USH2A: variants seen among roughly 807,000 people sequenced by gnomAD.
The protein encoded by USH2A is usherin.
A neutral mutation model predicts 538.9 loss-of-function variants in USH2A; 443 were observed. That is an observed-to-expected ratio of 0.82 (90% CI 0.76 to 0.89). The LOEUF (loss-of-function observed/expected upper bound fraction) is 0.89, where lower values mean the gene tolerates loss of function less well. Ranked by LOEUF, USH2A falls within the 40% of genes least tolerant of loss-of-function variation. USH2A has a pLI of 0.00. For synonymous variants in USH2A, 2,413 were observed against 2,273.5 expected (o/e 1.06, Z -1.75); for missense variants, 6,633 against 6,324.8 (o/e 1.05, Z -1.65).
intron 32 of USH2A, among the ~76,000 whole-genome samples, chr1:216,030,462 GACATATA>G (rs1344565186): frequency 1.7e-5 from 2 of 120,126 alleles, no homozygotes; most frequent in Non-Finnish European, 3.3e-5. Flanking sequence ...ATATATCACA[GACATATA>G]ATATATATGA....
chr1:216,357,417 G>C (rs1000495258), intron 4 of USH2A, among the ~76,000 whole-genome samples: 5 of 152,146 alleles, frequency 3.3e-5, no homozygotes, highest in Admixed American at 2.6e-4. Flanking sequence ...AATGGAGTTT[G>C]TGTATCTAGC....
intron 9 of USH2A, among the ~76,000 whole-genome samples, chr1:216,320,214 T>C (rs2037580013): frequency 6.6e-6 from 1 of 152,024 alleles, no homozygotes; most frequent in African/African-American, 2.4e-5. Context: ...CCTCACTCTG[T>C]TAGTTCATGG....
intron 36 of USH2A, among the ~76,000 whole-genome samples, chr1:215,967,888 A>G (rs2102456094): frequency 6.6e-6 from 1 of 152,296 alleles, no homozygotes; most frequent in Admixed American, 6.5e-5. Context: ...ATAGTCTCGC[A>G]TATCATCCTT....
At chr1:216,082,970 C>A (rs1321416410) in intron 26 of USH2A, among the ~76,000 whole-genome samples, 1 of 151,930 alleles carries the variant, frequency 6.6e-6, no homozygotes, top group East Asian at 1.9e-4. Flanking sequence ...TTCTGATTAC[C>A]TATGACATCT....
Position 215,675,158 on chromosome 1 carries a change from G to A in USH2A, c.12753C>T (p.Ser4251=), listed in dbSNP as rs1657974578. The A allele has an allele frequency of 6.8e-6, 11 of 1,613,996 alleles. No homozygotes were observed. The Admixed American group carries it at 8.3e-5, about 12-fold the overall frequency. ...YTWNSAGHTC[S]SWNVVRTLQA... ...GCAATGTCCTCACCACATTCCAAGA[G>A]CTACAGGTATGCCCAGCTGAATTCC... The change falls in exon 63 of 72, where the codon AGC becomes AGT. Residue 4251 remains serine (S), a synonymous_variant. Coordinates refer to ENST00000307340, the MANE Select transcript of USH2A (RefSeq NM_206933.4).
chr1:215,625,934 A>T (rs1242087965), intron 71 of USH2A, 64 bp from the exon 72 acceptor site: 1 of 1,470,094 alleles, frequency 6.8e-7, no homozygotes, highest in Non-Finnish European at 9.5e-7. Flanking sequence ...CTATCAATTT[A>T]TAGTTATATC....
chr1:216,260,143 AT>A (rs1201234757), intron 11 of USH2A, among the ~76,000 whole-genome samples: 12 of 152,260 alleles, frequency 7.9e-5, no homozygotes, highest in Non-Finnish European at 1.3e-4. Flanking sequence ...ATTTTAAAAA[AT>A]ATAACCCATA....
chr1:216,203,569 C>G (rs948678265), intron 16 of USH2A, among the ~76,000 whole-genome samples: 7 of 152,106 alleles, frequency 4.6e-5, no homozygotes, highest in African/African-American at 1.2e-4. Context: ...CTTATAAAAA[C>G]AGTTGCCTGT....
At chr1:215,854,159 G>A (rs1305795888) in intron 44 of USH2A, among the ~76,000 whole-genome samples, 1 of 152,158 alleles carries the variant, frequency 6.6e-6, no homozygotes, top group Non-Finnish European at 1.5e-5. Flanking sequence ...TCACAATCAT[G>A]GTGGAAGGTG....
chr1:216,314,521 A>G (rs2037473943), intron 9 of USH2A, among the ~76,000 whole-genome samples: 1 of 152,094 alleles, frequency 6.6e-6, no homozygotes, highest in Non-Finnish European at 1.5e-5. Context: ...AAAGCCTGAT[A>G]TATAATATAA....
intron 40 of USH2A, among the ~76,000 whole-genome samples, chr1:215,891,736 C>T (rs571325846): frequency 6.6e-6 from 1 of 152,254 alleles, no homozygotes; most frequent in African/African-American, 2.4e-5. Context: ...ACAATCAGCT[C>T]CTTAACTGTA....
chr1:215,845,250 G>A (rs1186886722), intron 45 of USH2A, among the ~76,000 whole-genome samples: 1 of 152,096 alleles, frequency 6.6e-6, no homozygotes, highest in Non-Finnish European at 1.5e-5. Flanking sequence ...TAATGACCTG[G>A]AACACTTGCT....
At chr1:216,287,651 T>A (rs2036912895) in intron 11 of USH2A, among the ~76,000 whole-genome samples, 1 of 152,136 alleles carries the variant, frequency 6.6e-6, no homozygotes, top group African/African-American at 2.4e-5. Context: ...CAGGTTTCAA[T>A]TTCTTGTAGA....
intron 49 of USH2A, 48 bp downstream of exon 49, chr1:215,813,688 G>A: frequency 6.2e-7 from 1 of 1,611,900 alleles, no homozygotes; most frequent in Non-Finnish European, 8.5e-7. Flanking sequence ...ACGTGTTTAT[G>A]TTTTCAGGTT....
At position 216,329,850 on chromosome 1, in the gene USH2A, A is replaced by T. The variant is rs73100615; in HGVS notation, c.785-2196T>A. On this transcript the variant is annotated intron_variant, in intron 4 of 71. Transcript: ENST00000307340. ...TTTGCATGGCAGCCGTGGAAAACTG[A>T]CAGTCTTCATTTCCTATTTTTGCCA... 6.9e-3 allele frequency among the ~76,000 whole-genome samples: 1,050 copies of T among 152,192 alleles called. 9 individuals carry two copies. The highest frequency in any genetic ancestry group is 0.024 in the African/African-American group (1,003 of 41,536).
At chr1:215,866,741 AGTAGG>A (rs1664479484) in intron 44 of USH2A, among the ~76,000 whole-genome samples, 1 of 152,178 alleles carries the variant, frequency 6.6e-6, no homozygotes, top group South Asian at 2.1e-4. Context: ...ACAATGTCAA[AGTAGG>A]AGAGAGTTTG....
chr1:215,807,521 A>G (rs368723332), intron 49 of USH2A, among the ~76,000 whole-genome samples: 5 of 152,168 alleles, frequency 3.3e-5, no homozygotes, highest in African/African-American at 9.6e-5. Context: ...CTAAATGTCA[A>G]TTTTGTCAGA....
chr1:215,906,425 T>C (rs1197860713), intron 38 of USH2A, among the ~76,000 whole-genome samples: 1 of 152,034 alleles, frequency 6.6e-6, no homozygotes, highest in Non-Finnish European at 1.5e-5. Flanking sequence ...GCAGAACTGA[T>C]GTAACTGGCA....
chr1:216,418,848 T>A (rs886325848), intron 2 of USH2A, among the ~76,000 whole-genome samples, 169 bp from the exon 3 acceptor site: 16 of 152,148 alleles, frequency 1.1e-4, no homozygotes, highest in Admixed American at 2.0e-4. Context: ...TTTATTCCAA[T>A]GAAGAAGCCC....
Sources: gnomAD v4.1 joint callset for allele counts (sites outside exome capture counted in the v4.1 genomes callset) on GRCh38, gnomAD v4.1.1 for gene constraint, MANE v1.5 for transcripts, NCBI Gene and HGNC (gene_info 2026-07-23, HGNC 2026-07-21) for gene names.